Variants in SOX5 observed in about 807,000 individuals in gnomAD.
The protein encoded by SOX5 is transcription factor SOX-5.
Under a neutral mutation model 92.0 loss-of-function variants are expected in SOX5, and 9 were observed. The observed-to-expected ratio is 0.10, with a 90% CI of 0.06 to 0.17. The LOEUF (loss-of-function observed/expected upper bound fraction) is 0.17, where lower values mean the gene tolerates loss of function less well. Among genes scored for constraint, SOX5 ranks in the 10% least tolerant of loss-of-function variants. The pLI is 1.00. For synonymous variants in SOX5, 344 were observed against 336.3 expected (o/e 1.02, Z -0.25); for missense variants, 642 against 944.5 (o/e 0.68, Z 4.20).
intron 1 of SOX5, among the ~76,000 whole-genome samples, chr12:24,402,976 C>T (rs150445930): frequency 6.6e-6 from 1 of 152,286 alleles, no homozygotes; most frequent in East Asian, 1.9e-4. Context: ...TAAACATACT[C>T]TTCCCCTACA....
At chr12:23,963,420 T>C (rs1394478785) in intron 4 of SOX5, among the ~76,000 whole-genome samples, 8 of 152,192 alleles carry the variant, frequency 5.3e-5, no homozygotes, top group Admixed American at 5.2e-4. Context: ...CATATAATCA[T>C]GCTTTTCCCT....
intron 7 of SOX5, 53 bp downstream of exon 7, chr12:23,665,391 A>C: frequency 6.2e-7 from 1 of 1,601,768 alleles, no homozygotes; most frequent in East Asian, 2.2e-5. Context: ...AAATTGCCTA[A>C]TTTAAAGCTT....
At chr12:24,381,692 A>C (rs890675081) in intron 1 of SOX5, among the ~76,000 whole-genome samples, 1 of 152,208 alleles carries the variant, frequency 6.6e-6, no homozygotes, top group Non-Finnish European at 1.5e-5. Flanking sequence ...AGTCTTTAAA[A>C]AGGTGGATCA....
chr12:24,305,139 C>T (rs1448539276), intron 2 of SOX5, among the ~76,000 whole-genome samples: 1 of 152,004 alleles, frequency 6.6e-6, no homozygotes, highest in Non-Finnish European at 1.5e-5. Flanking sequence ...GTTATTATGA[C>T]TAATTATGCT....
intron 3 of SOX5, among the ~76,000 whole-genome samples, chr12:24,229,854 T>C (rs1293704913): frequency 6.6e-6 from 1 of 152,190 alleles, no homozygotes; most frequent in Admixed American, 6.5e-5. Flanking sequence ...TCTGATAATA[T>C]TGTCTTTCTT....
At chr12:23,565,331 G>C (rs1042885327) in intron 10 of SOX5, among the ~76,000 whole-genome samples, 1 of 152,092 alleles carries the variant, frequency 6.6e-6, no homozygotes, top group Non-Finnish European at 1.5e-5. Context: ...TTACATGACC[G>C]TGATGGTCTT....
chr12:24,265,227 T>C (rs1362764395), intron 3 of SOX5, among the ~76,000 whole-genome samples: 1 of 152,194 alleles, frequency 6.6e-6, no homozygotes, highest in Non-Finnish European at 1.5e-5. Context: ...GAAATAGTAA[T>C]CTATGTATAC....
chr12:23,730,881 T>C (rs115964317), intron 6 of SOX5, among the ~76,000 whole-genome samples: 2,146 of 152,318 alleles, frequency 0.014, 48 homozygotes, highest in African/African-American at 0.048. Flanking sequence ...TCCAGTTGTC[T>C]GGATTGAGGA....
At chr12:23,743,405 G>T (rs1453060715) in intron 4 of SOX5, among the ~76,000 whole-genome samples, 1 of 151,920 alleles carries the variant, frequency 6.6e-6, no homozygotes, top group African/African-American at 2.4e-5. Flanking sequence ...CGCCTCCTGG[G>T]GTCAAGCGAT....
At chr12:23,992,644 A>C (rs1381366044) in intron 4 of SOX5, among the ~76,000 whole-genome samples, 1 of 152,186 alleles carries the variant, frequency 6.6e-6, no homozygotes, top group Non-Finnish European at 1.5e-5. Context: ...AGCACTCTGA[A>C]GAATGCATGT....
intron 4 of SOX5, among the ~76,000 whole-genome samples, chr12:23,973,652 T>G (rs1294428465): frequency 6.6e-6 from 1 of 152,182 alleles, no homozygotes; most frequent in Non-Finnish European, 1.5e-5. Context: ...AAACGTCTGA[T>G]ATACCAAATC....
intron 1 of SOX5, among the ~76,000 whole-genome samples, chr12:24,519,171 T>TC (rs1173705675): frequency 6.6e-6 from 1 of 152,134 alleles, no homozygotes; most frequent in African/African-American, 2.4e-5. Context: ...TGAATTTTTT[T>TC]CTTTTTCAGT....
chr12:23,744,545 T>C (rs2093915812), intron 4 of SOX5, among the ~76,000 whole-genome samples: 1 of 152,190 alleles, frequency 6.6e-6, no homozygotes, highest in East Asian at 1.9e-4. Context: ...TTGATATTAA[T>C]CAATCACAGT....
intron 3 of SOX5, among the ~76,000 whole-genome samples, chr12:24,245,668 C>A (rs755180994): frequency 7.9e-5 from 12 of 152,128 alleles, no homozygotes; most frequent in Non-Finnish European, 1.6e-4. Flanking sequence ...TATTATGGCC[C>A]ATGTCTAGAA....
chr12:23,794,662 A>G (rs1440235034), intron 3 of SOX5, among the ~76,000 whole-genome samples: 1 of 152,172 alleles, frequency 6.6e-6, no homozygotes, highest in Non-Finnish European at 1.5e-5. Context: ...AAGAACGTTT[A>G]AAAACTATTT....
intron 3 of SOX5, among the ~76,000 whole-genome samples, chr12:23,800,181 G>T (rs971137512): frequency 1.3e-5 from 2 of 151,992 alleles, no homozygotes; most frequent in African/African-American, 2.4e-5. Context: ...AAAAAAAGAA[G>T]AATATTTTAC....
At chr12:24,195,636 C>T (rs1202832965) in intron 4 of SOX5, among the ~76,000 whole-genome samples, 1 of 152,074 alleles carries the variant, frequency 6.6e-6, no homozygotes, top group Non-Finnish European at 1.5e-5. Flanking sequence ...CTATGTGGTC[C>T]AAACTGCATG....
chr12:23,855,210 A>G (rs2096673754), intron 2 of SOX5, among the ~76,000 whole-genome samples: 1 of 152,002 alleles, frequency 6.6e-6, no homozygotes, highest in Middle Eastern at 3.2e-3. Context: ...GTATCCAGGG[A>G]AAGATTTTTT....
chr12:23,924,140 T>G (rs1198904584), intron 1 of SOX5, among the ~76,000 whole-genome samples: 1 of 152,214 alleles, frequency 6.6e-6, no homozygotes, highest in Non-Finnish European at 1.5e-5. Context: ...GATAAAATAT[T>G]TAGTATGTTA....
Sources: gnomAD v4.1 joint callset for allele counts (sites outside exome capture counted in the v4.1 genomes callset) on GRCh38, gnomAD v4.1.1 for gene constraint, MANE v1.5 for transcripts, NCBI Gene and HGNC (gene_info 2026-07-23, HGNC 2026-07-21) for gene names.